The following CHODL variants were observed in gnomAD, a reference collection of about 807,000 sequenced individuals.
CHODL encodes chondrolectin, also known as transmembrane protein MT75.
In CHODL, 29 loss-of-function variants were observed where a neutral mutation model predicts 34.5. The observed-to-expected ratio is 0.84, with a 90% confidence interval of 0.63 to 1.15. The LOEUF (loss-of-function observed/expected upper bound fraction) is 1.15. Among genes scored for constraint, CHODL ranks in the 50% most tolerant of loss-of-function variants. The pLI, the probability that CHODL is intolerant of heterozygous loss-of-function variation, is 0.00. For synonymous variants in CHODL, 125 were observed against 116.1 expected (o/e 1.08, Z -0.49); for missense variants, 332 against 332.5 (o/e 1.00, Z 0.01).
intron 1 of CHODL, among the ~76,000 whole-genome samples, chr21:18,249,108 T>TA (rs1326998044): frequency 8.5e-5 from 10 of 117,478 alleles, no homozygotes; most frequent in African/African-American, 4.2e-4. Flanking sequence ...TATATAATAA[T>TA]ATATATATAA....
chr21:18,190,120 A>C (rs1033423416), intron 2 of CHODL, among the ~76,000 whole-genome samples: 1 of 152,078 alleles, frequency 6.6e-6, no homozygotes, highest in Non-Finnish European at 1.5e-5. Flanking sequence ...TCATTTATGT[A>C]TTTATTATGC....
At chr21:18,225,524 G>T (rs1042998467) in intron 2 of CHODL, among the ~76,000 whole-genome samples, 1 of 152,022 alleles carries the variant, frequency 6.6e-6, no homozygotes, top group Non-Finnish European at 1.5e-5. Context: ...CATAAATAAA[G>T]TAAATATGTA....
At chr21:18,071,146 A>ATTT (rs10634402) in intron 2 of CHODL, among the ~76,000 whole-genome samples, 1,540 of 112,600 alleles carry the variant, frequency 0.014, 74 homozygotes, top group Non-Finnish European at 0.019. Flanking sequence ...TAACTACAGC[A>ATTT]TTTTTTTTTT....
intron 2 of CHODL, among the ~76,000 whole-genome samples, chr21:18,048,382 C>T (rs965362558): frequency 1.3e-5 from 2 of 151,634 alleles, no homozygotes; most frequent in African/African-American, 4.8e-5. Context: ...CCTGACTAAG[C>T]AATTTGGGTG....
chr21:18,079,798 G>T lies in CHODL; in HGVS notation c.-45+51827G>T, dbSNP rs994185810. Among the ~76,000 whole-genome samples, 12 of 151,998 alleles carry T rather than the reference G, an allele frequency of 7.9e-5. 1 individual carries two copies. In the South Asian group the frequency reaches 2.5e-3, roughly 31 times the overall value. On this transcript the variant is annotated intron_variant, in intron 2 of 6. Transcript: ENST00000400127. ...TACTATTCACAATAGCAAAATAATA[G>T]AATTTGCTATAATCACAATAGCAAA...
At chr21:18,262,488 C>A (rs2074394312) in intron 4 of CHODL, among the ~76,000 whole-genome samples, 1 of 152,162 alleles carries the variant, frequency 6.6e-6, no homozygotes, top group South Asian at 2.1e-4. Flanking sequence ...CAAAACCTAT[C>A]TAAACATAGA....
chr21:18,115,810 G>A (rs771041715), intron 2 of CHODL, among the ~76,000 whole-genome samples: 18 of 152,098 alleles, frequency 1.2e-4, no homozygotes, highest in Non-Finnish European at 2.2e-4. Flanking sequence ...AATGTATCCT[G>A]CTTCATCTTC....
At chr21:17,998,248 G>A (rs1157983441) in intron 1 of CHODL, among the ~76,000 whole-genome samples, 5 of 152,242 alleles carry the variant, frequency 3.3e-5, no homozygotes, top group Non-Finnish European at 7.3e-5. Context: ...CCCAGGTCAT[G>A]CTGATGCAAG....
chr21:18,052,809 G>T (rs1468713661), intron 2 of CHODL, among the ~76,000 whole-genome samples: 1 of 151,894 alleles, frequency 6.6e-6, no homozygotes, highest in African/African-American at 2.4e-5. Context: ...TGAAATATGT[G>T]AATTGAGTTT....
chr21:18,234,465 C>T (rs192219240), intron 2 of CHODL, among the ~76,000 whole-genome samples: 158 of 152,246 alleles, frequency 1.0e-3, no homozygotes, highest in Non-Finnish European at 1.9e-3. Flanking sequence ...TTTCAGTCCT[C>T]TTCAAAGCTT....
intron 2 of CHODL, among the ~76,000 whole-genome samples, chr21:18,105,783 A>G (rs1334993727): frequency 6.6e-6 from 1 of 152,234 alleles, no homozygotes; most frequent in Non-Finnish European, 1.5e-5. Context: ...TGGATTAATA[A>G]TATGTAACCT....
At chr21:17,993,402 T>C (rs192986065) in intron 1 of CHODL, among the ~76,000 whole-genome samples, 290 of 152,248 alleles carry the variant, frequency 1.9e-3, no homozygotes, top group African/African-American at 6.5e-3. Flanking sequence ...CCAGTGTCTG[T>C]TGTTCTCCTC....
chr21:17,930,654 G>C (rs2063265229), intron 1 of CHODL, among the ~76,000 whole-genome samples: 1 of 152,186 alleles, frequency 6.6e-6, no homozygotes, highest in Non-Finnish European at 1.5e-5. Flanking sequence ...CATGCACATT[G>C]TCCAGAGAGC....
intron 2 of CHODL, among the ~76,000 whole-genome samples, chr21:18,112,848 G>T (rs909344763): frequency 1.3e-5 from 2 of 152,144 alleles, no homozygotes; most frequent in Non-Finnish European, 2.9e-5. Flanking sequence ...CTAGGACATT[G>T]GTCTGGGCAA....
At chr21:17,995,098 G>A (rs1325011461) in intron 1 of CHODL, among the ~76,000 whole-genome samples, 1 of 152,080 alleles carries the variant, frequency 6.6e-6, no homozygotes, top group Non-Finnish European at 1.5e-5. Flanking sequence ...CAGCCCTCTG[G>A]GTAGCCACAG....
intron 1 of CHODL, among the ~76,000 whole-genome samples, chr21:17,959,147 A>G (rs1021654888): frequency 2.0e-5 from 3 of 152,182 alleles, no homozygotes; most frequent in Admixed American, 1.3e-4. Flanking sequence ...AAGATGAACT[A>G]TGTGCTACAA....
At position 18,245,148 on chromosome 21, in the gene CHODL, G is replaced by C. The variant is rs2074122477; in HGVS notation, c.-76G>C. On this transcript the variant is annotated 5_prime_UTR_variant, in exon 1 of 6. Coordinates refer to ENST00000299295, the MANE Select transcript of CHODL (RefSeq NM_024944.3). ...GGCAGGGAGGCAGGGAGGCTGCAGAGTCAGAGTCGCGGGCTGCGCCCTGGG... is the reference window on the plus strand; with the variant it reads ...GGCAGGGAGGCAGGGAGGCTGCAGACTCAGAGTCGCGGGCTGCGCCCTGGG... The C allele has an allele frequency of 7.9e-7, 1 of 1,273,782 alleles. No homozygotes were observed. The allele number at this position is 1,273,782 out of a possible 1,614,324, so 78.9% of individuals were successfully genotyped here. A position where few individuals can be genotyped will look rare whatever the true frequency, so the allele number is the denominator to read the frequency against.
intron 2 of CHODL, among the ~76,000 whole-genome samples, chr21:18,118,302 G>C (rs1458917451): frequency 6.6e-6 from 1 of 152,050 alleles, no homozygotes; most frequent in Non-Finnish European, 1.5e-5. Flanking sequence ...TTCTTGACAG[G>C]CTAGCAGTTT....
At chr21:18,197,470 G>A (rs537667342) in intron 2 of CHODL, among the ~76,000 whole-genome samples, 8 of 152,200 alleles carry the variant, frequency 5.3e-5, no homozygotes, top group South Asian at 4.1e-4. Context: ...AAGATTAGCC[G>A]GGCGTGGTGG....
Sources: gnomAD v4.1 joint callset for allele counts (sites outside exome capture counted in the v4.1 genomes callset) on GRCh38, gnomAD v4.1.1 for gene constraint, MANE v1.5 for transcripts, NCBI Gene and HGNC (gene_info 2026-07-23, HGNC 2026-07-21) for gene names.